PCSK5: variants seen among roughly 807,000 people sequenced by gnomAD.
PCSK5 encodes prohormone convertase 5.
A neutral mutation model predicts 233.2 loss-of-function variants in PCSK5; 129 were observed. The ratio of observed to expected loss-of-function variants is 0.55; its 90% CI spans 0.48 to 0.64. The LOEUF is 0.64. PCSK5 is among the 30% of genes least tolerant of loss of function. The pLI is 0.00. For missense variants in PCSK5, 2,076 were observed against 2,430.1 expected (o/e 0.85, Z 3.06); for synonymous variants, 825 against 879.2 (o/e 0.94, Z 1.09).
At chr9:76,246,373 G>A (rs996494217) in intron 24 of PCSK5, among the ~76,000 whole-genome samples, 101 of 144,504 alleles carry the variant, frequency 7.0e-4, no homozygotes, top group African/African-American at 2.4e-3. Flanking sequence ...AAAAACTACC[G>A]TGAGATACCA....
Position 75,890,886 on chromosome 9 carries a change from G to T in PCSK5, c.-296G>T. On this transcript the variant is annotated 5_prime_UTR_variant, in exon 1 of 38. Coordinates refer to ENST00000674117, the MANE Select transcript of PCSK5 (RefSeq NM_001372043.1). ...CGGGCGAAACCCAACTGCGGAGGAC[G>T]CCCGCCCCACTCAGCCTCCTCCTGC... is the stretch of plus-strand genomic sequence containing the variant. 1 of 318,354 alleles carries T rather than the reference G, an allele frequency of 3.1e-6. No homozygotes were observed. The highest frequency in any genetic ancestry group is 5.0e-5 in the Admixed American group (1 of 19,974). The allele number at this position is 318,354 out of a possible 1,614,324, so 19.7% of individuals were successfully genotyped here.
Position 75,969,851 on chromosome 9 carries a change from G to A in PCSK5, c.298-16281G>A, listed in dbSNP as rs1007964425. Among the ~76,000 whole-genome samples, 4 of 150,898 alleles carry A rather than the reference G, an allele frequency of 2.7e-5. No homozygotes were observed. The East Asian group carries it at 7.8e-4, about 29-fold the overall frequency. On this transcript the variant is annotated intron_variant, in intron 2 of 37. Transcript: ENST00000674117. ...GGCAAGCGAGAATTCTCAAACACGG[G>A]TTCCTTGGACTCCAGAAATCCTTTT...
rs748907371 is a variant in PCSK5 at position 76,239,160 on chromosome 9, G to A, written c.3068G>A (p.Gly1023Glu). 4 of 1,576,114 alleles carry A rather than the reference G, an allele frequency of 2.5e-6. No homozygotes were observed. The African/African-American group carries it at 4.0e-5, about 16-fold the overall frequency. ...CACACATGCCAGAAGTTAGAGTGTG[G>A]ACAAGGTAAGCCTGCTCCTGGGCCC... is the stretch of plus-strand genomic sequence containing the variant. ...TNHTCQKLEC[G>E]QGEVQDPDYE... Residue 1023 changes from glycine (G) to glutamate (E), a missense_variant, in exon 23 of 38, where the codon GGA becomes GAA. This residue lies in a region of PCSK5 where 1,510 missense variants were observed against 1,538.1 expected (regional missense o/e 0.98). Coordinates refer to ENST00000674117, the MANE Select transcript of PCSK5 (RefSeq NM_001372043.1).
chr9:76,355,459 C>A (rs908963629), intron 37 of PCSK5, among the ~76,000 whole-genome samples: 1 of 151,176 alleles, frequency 6.6e-6, no homozygotes, highest in African/African-American at 2.4e-5. Flanking sequence ...GGTGACAGAG[C>A]GAGACTCCGT....
intron 5 of PCSK5, among the ~76,000 whole-genome samples, chr9:76,049,932 A>G (rs1829564637): frequency 6.6e-6 from 1 of 152,216 alleles, no homozygotes; most frequent in African/African-American, 2.4e-5. Flanking sequence ...ATATTTTAAT[A>G]AAAGCAGATC....
At chr9:76,184,502 A>G (rs1163187685) in intron 16 of PCSK5, among the ~76,000 whole-genome samples, 171 bp from the exon 17 acceptor site, 4 of 152,228 alleles carry the variant, frequency 2.6e-5, no homozygotes, top group Non-Finnish European at 4.4e-5. Flanking sequence ...TCCTGTCTGT[A>G]CTTGGTTTGC....
chr9:76,177,743 T>C (rs1823677957), intron 14 of PCSK5, among the ~76,000 whole-genome samples: 1 of 152,228 alleles, frequency 6.6e-6, no homozygotes, highest in Non-Finnish European at 1.5e-5. Flanking sequence ...AACAGTTATA[T>C]ATCTTTGTGG....
At chr9:76,153,157 T>G (rs1193208355) in intron 10 of PCSK5, among the ~76,000 whole-genome samples, 1 of 152,180 alleles carries the variant, frequency 6.6e-6, no homozygotes, top group Non-Finnish European at 1.5e-5. Flanking sequence ...GGAACAGATA[T>G]AACAGTAGGC....
At chr9:76,158,027 CTAAG>C (rs1421210517) in intron 11 of PCSK5, among the ~76,000 whole-genome samples, 2 of 152,066 alleles carry the variant, frequency 1.3e-5, no homozygotes, top group Non-Finnish European at 2.9e-5. Flanking sequence ...AACTCATTCA[CTAAG>C]TAACTATTTT....
At chr9:76,183,370 G>A (rs991475592) in intron 16 of PCSK5, among the ~76,000 whole-genome samples, 1 of 152,118 alleles carries the variant, frequency 6.6e-6, no homozygotes, top group African/African-American at 2.4e-5. Context: ...GTCCATTTAT[G>A]TACAACATGA....
intron 28 of PCSK5, among the ~76,000 whole-genome samples, chr9:76,304,355 C>T (rs1828709511): frequency 6.6e-6 from 1 of 152,158 alleles, no homozygotes; most frequent in Non-Finnish European, 1.5e-5. Flanking sequence ...AATCTAGTTT[C>T]ATCTATGGCA....
chr9:76,246,973 A>G (rs1233384962), intron 24 of PCSK5, among the ~76,000 whole-genome samples: 1 of 152,236 alleles, frequency 6.6e-6, no homozygotes, highest in Non-Finnish European at 1.5e-5. Context: ...ATGGATTCCA[A>G]GGAACGGAAT....
chr9:76,344,410 T>C (rs1829922232), intron 35 of PCSK5, among the ~76,000 whole-genome samples: 2 of 152,216 alleles, frequency 1.3e-5, no homozygotes, highest in African/African-American at 4.8e-5. Context: ...GTTCCCAGTC[T>C]GTGCCCATTC....
chr9:76,283,448 C>A (rs1031142871), intron 24 of PCSK5, among the ~76,000 whole-genome samples: 2 of 152,174 alleles, frequency 1.3e-5, no homozygotes, highest in Non-Finnish European at 2.9e-5. Flanking sequence ...TGATCATTAG[C>A]ATTTTTTAGC....
intron 5 of PCSK5, among the ~76,000 whole-genome samples, chr9:76,046,972 G>A (rs2131547878): frequency 6.6e-6 from 1 of 152,316 alleles, no homozygotes; most frequent in South Asian, 2.1e-4. Context: ...GAAAAGAAAA[G>A]CAGACATAAT....
chr9:75,912,108 A>G (rs1006614839), intron 1 of PCSK5, among the ~76,000 whole-genome samples: 2 of 149,522 alleles, frequency 1.3e-5, no homozygotes, highest in African/African-American at 5.1e-5. Context: ...AAAAAAGAAC[A>G]ACAAAAAAGC....
chr9:76,211,500 A>G (rs1389185224), intron 20 of PCSK5, among the ~76,000 whole-genome samples: 4 of 152,198 alleles, frequency 2.6e-5, no homozygotes, highest in Non-Finnish European at 2.9e-5. Flanking sequence ...CTGATAGTCA[A>G]TTGAAGAAAC....
chr9:76,180,887 CAAGG>C (rs748774249), intron 15 of PCSK5, among the ~76,000 whole-genome samples: 68 of 134,874 alleles, frequency 5.0e-4, no homozygotes, highest in Non-Finnish European at 8.7e-4. Context: ...TATGGGCAAA[CAAGG>C]AAGTTTTTTT....
chr9:76,120,683 G>GT (rs34304669), intron 9 of PCSK5, among the ~76,000 whole-genome samples: 71,303 of 149,832 alleles, frequency 0.48, 17,254 homozygotes, highest in Admixed American at 0.52. Context: ...TGATTTTCTT[G>GT]TTTTTTTTTC....
Sources: gnomAD v4.1 joint callset for allele counts (sites outside exome capture counted in the v4.1 genomes callset) on GRCh38, gnomAD v4.1.1 for gene constraint, gnomAD v4.1.1 regional missense constraint, MANE v1.5 for transcripts, NCBI Gene and HGNC (gene_info 2026-07-23, HGNC 2026-07-21) for gene names.